The following COX15 variants were observed in gnomAD, a reference collection of about 807,000 sequenced individuals.
The protein encoded by COX15 is heme A synthase COX15.
COX15 carries 51 observed loss-of-function variants against 51.9 expected under a neutral mutation model. The ratio of observed to expected loss-of-function variants is 0.98; its 90% CI spans 0.78 to 1.24. COX15 has a LOEUF of 1.24. Among genes scored for constraint, COX15 ranks in the 50% most tolerant of loss-of-function variants. The pLI is 0.00. For missense variants in COX15, 420 were observed against 501.1 expected, an observed-to-expected ratio of 0.84 and a Z score of 1.55; for synonymous variants, 188 against 190.5, an observed-to-expected ratio of 0.99 and a Z score of 0.11.
the COX15 span, chr10:99,705,078 GA>G: frequency 4.7e-6 from 1 of 211,774 alleles, no homozygotes; most frequent in Non-Finnish European, 9.7e-6. Context: ...TACAAAGCCA[GA>G]GACATTCTAG....
At position 99,716,469 on chromosome 10, in the gene COX15, GAAGA is replaced by G. The variant is rs2036584436; in HGVS notation, c.988-12_988-9del. On this transcript the variant is annotated splice_polypyrimidine_tract_variant and intron_variant, in intron 7 of 8. Transcript: ENST00000016171. Reference sequence around the variant, plus strand: ...AGTGACTGAAGTGATTCCCTGCAGGGAAGAAAGAGTCTATCACATTAGATAGAAG... The same window carrying G: ...AGTGACTGAAGTGATTCCCTGCAGGGAAGAGTCTATCACATTAGATAGAAG... The G allele has an allele frequency of 3.2e-6, 5 of 1,581,112 alleles. No homozygotes were observed. Among genetic ancestry groups the G allele is most frequent in the Non-Finnish European group, 4.3e-6 (5 of 1,150,488 alleles).
the COX15 span, chr10:99,702,399 C>A: frequency 1.2e-6 from 1 of 851,586 alleles, no homozygotes; most frequent in Non-Finnish European, 1.7e-6. Context: ...GAAGGTGAAG[C>A]GGGAGGAGGT....
chr10:99,708,829 C>T (rs890602158), downstream of COX15: 1 of 985,314 alleles, frequency 1.0e-6, no homozygotes, highest in Admixed American at 6.1e-5. Flanking sequence ...CCTAGCCCAA[C>T]TACTTTGTCA....
At chr10:99,729,264 C>T (rs1301329945) in intron 2 of COX15, among the ~76,000 whole-genome samples, 2 of 152,138 alleles carry the variant, frequency 1.3e-5, no homozygotes, top group Non-Finnish European at 2.9e-5. Flanking sequence ...GAGTTTGGAT[C>T]AGCCTGGCCA....
chr10:99,721,117 G>A (rs1009177985), intron 5 of COX15, 49 bp from the exon 6 acceptor site: 1 of 1,488,152 alleles, frequency 6.7e-7, no homozygotes, highest in Non-Finnish European at 9.3e-7. Flanking sequence ...CAGGAACAAT[G>A]AGAGGCAGCA....
At chr10:99,718,532 A>G (rs1290582825) in intron 6 of COX15, 32 bp from the exon 7 acceptor site, 1 of 1,613,046 alleles carries the variant, frequency 6.2e-7, no homozygotes, top group Admixed American at 1.7e-5. Context: ...ATTTATTAAA[A>G]TGAGAGGAAG....
chr10:99,716,284 T>C (rs968539462), intron 8 of COX15, 64 bp downstream of exon 8: 1 of 1,174,626 alleles, frequency 8.5e-7, no homozygotes, highest in Non-Finnish European at 1.3e-6. Context: ...TGAGCCACTG[T>C]GCCCGGCCCC....
At chr10:99,698,858 G>C in the COX15 span, 2 of 1,587,512 alleles carry the variant, frequency 1.3e-6, no homozygotes. Context: ...AGGCTGCTCA[G>C]GTAAATTATT....
Position 99,732,126 on chromosome 10 carries a change from G to C in COX15, c.-77C>G. 1 of 1,561,070 alleles carries C rather than the reference G, an allele frequency of 6.4e-7. No individual in the cohort carries two copies. Among genetic ancestry groups the C allele is most frequent in the Non-Finnish European group, 8.7e-7 (1 of 1,152,356 alleles). Reference sequence around the variant, plus strand: ...CCCTCCTCCGCCAAGGAAAAGAGAAGCACTTCCGGGTCGGGCAGCGGGAGC... The same window carrying C: ...CCCTCCTCCGCCAAGGAAAAGAGAACCACTTCCGGGTCGGGCAGCGGGAGC... On this transcript the variant is annotated 5_prime_UTR_variant, in exon 1 of 9. Coordinates refer to ENST00000016171, the MANE Select transcript of COX15 (RefSeq NM_078470.6).
rs1236132158 is a variant in COX15, at chr10:99,727,565, T to C, written c.273-2A>G. On this transcript the variant is annotated splice_acceptor_variant, in intron 2 of 8. Transcript: ENST00000016171. LOFTEE classifies it high-confidence loss of function. Reference sequence around the variant, plus strand: ...ATCGAGAGGCCAGACTCTGTCAACCTTAGGATAGGAAAGAAATTTTGGGGT... The same window carrying C: ...ATCGAGAGGCCAGACTCTGTCAACCCTAGGATAGGAAAGAAATTTTGGGGT... 6.2e-7 allele frequency: 1 copy of C among 1,613,346 alleles called. No individual in the cohort carries two copies. Among genetic ancestry groups the C allele is most frequent in the South Asian group, 1.1e-5 (1 of 91,066 alleles).
chr10:99,729,922 C>T (rs1028402159), intron 1 of COX15, among the ~76,000 whole-genome samples, 188 bp from the exon 2 acceptor site: 1 of 152,194 alleles, frequency 6.6e-6, no homozygotes, highest in Admixed American at 6.5e-5. Context: ...TCAAATCTAG[C>T]CTCACTCAAA....
At chr10:99,701,940 C>T in the COX15 span, among the ~76,000 whole-genome samples, 8 of 151,748 alleles carry the variant, frequency 5.3e-5, no homozygotes, top group East Asian at 1.9e-4. Context: ...CCCAGCTACT[C>T]GGGAGGCTGA....
the COX15 span, chr10:99,698,643 C>T: frequency 9.3e-6 from 15 of 1,614,024 alleles, no homozygotes; most frequent in East Asian, 4.5e-5. Flanking sequence ...CTTACATGTC[C>T]GAGGAAGAGG....
chr10:99,712,272 A>G lies in COX15; in HGVS notation c.*2315T>C, dbSNP rs1485052637. The stretch of plus-strand genomic sequence containing the variant: ...GAAACTTACAGAGTACTGGAGTTGA[A>G]AGAGAACTGAGATCACCTAGTTCAG... On this transcript the variant is annotated 3_prime_UTR_variant, in exon 9 of 9. Coordinates refer to ENST00000016171, the MANE Select transcript of COX15 (RefSeq NM_078470.6). 1.0e-6 allele frequency: 1 copy of G among 985,406 alleles called. No individual in the cohort carries two copies. 61.0% of individuals were successfully genotyped at this position (985,406 alleles called of 1,614,324 possible).
chr10:99,727,344 C>T lies in COX15; in HGVS notation c.395+97G>A, dbSNP rs2231681. The stretch of plus-strand genomic sequence containing the variant: ...ACAAGCTGACTAAACATAACTGAAC[C>T]GAAGTTCATGAAATAATCTAACCAT... On this transcript the variant is annotated intron_variant, in intron 3 of 8. Coordinates refer to ENST00000016171, the MANE Select transcript of COX15 (RefSeq NM_078470.6). 4,453 of 1,556,064 alleles carry T rather than the reference C, an allele frequency of 2.9e-3. 108 individuals carry two copies. In the African/African-American group the frequency reaches 0.053, roughly 18 times the overall value.
At chr10:99,718,576 G>A in intron 6 of COX15, 76 bp from the exon 7 acceptor site, 1 of 1,499,880 alleles carries the variant, frequency 6.7e-7, no homozygotes, top group Non-Finnish European at 9.3e-7. Flanking sequence ...TATAGAAAAA[G>A]TCTGTTATCC....
chr10:99,729,885 C>A lies in COX15; in HGVS notation c.91-151G>T. 7 of 817,332 alleles carry A rather than the reference C, an allele frequency of 8.6e-6. No homozygotes were observed. The South Asian group carries it at 1.1e-4, about 13-fold the overall frequency. The allele number at this position is 817,332 out of a possible 1,614,324, so 50.6% of individuals were successfully genotyped here. ...TCTCTTATCTGGATTACTGCATCAG[C>A]CTTCCAACTGGTTTTCCAATTGGTT... On this transcript the variant is annotated intron_variant, in intron 1 of 8. Coordinates refer to ENST00000016171, the MANE Select transcript of COX15 (RefSeq NM_078470.6).
chr10:99,719,560 C>T (rs187693986), intron 6 of COX15, among the ~76,000 whole-genome samples: 246 of 152,184 alleles, frequency 1.6e-3, no homozygotes, highest in African/African-American at 5.6e-3. Context: ...GCGCAATCTC[C>T]GCTCACTGCA....
At chr10:99,717,750 T>C (rs545936325) in intron 7 of COX15, among the ~76,000 whole-genome samples, 1 of 152,286 alleles carries the variant, frequency 6.6e-6, no homozygotes, top group African/African-American at 2.4e-5. Flanking sequence ...TCCCACCATG[T>C]AGGCCCCATC....
Sources: allele counts gnomAD v4.1 joint callset (sites outside exome capture counted in the v4.1 genomes callset), GRCh38; gene constraint gnomAD v4.1.1; transcripts MANE v1.5; gene names NCBI Gene and HGNC (gene_info 2026-07-23, HGNC 2026-07-21).